Variants in TACC2 observed in about 807,000 individuals in gnomAD.
TACC2 encodes transforming acidic coiled-coil containing protein 2, also known as transforming acidic coiled-coil-containing protein 2.
A neutral mutation model predicts 227.3 loss-of-function variants in TACC2; 137 were observed. The ratio of observed to expected loss-of-function variants is 0.60; its 90% CI spans 0.52 to 0.69. TACC2 has a LOEUF of 0.69. Among genes scored for constraint, TACC2 ranks in the 30% least tolerant of loss-of-function variants. TACC2 has a pLI of 0.00. For synonymous variants in TACC2, 1,523 were observed against 1,487.5 expected (o/e 1.02, Z -0.55); for missense variants, 3,470 against 3,694.4 (o/e 0.94, Z 1.57).
intron 7 of TACC2, among the ~76,000 whole-genome samples, chr10:122,157,311 C>G (rs577174442): frequency 6.6e-6 from 1 of 152,224 alleles, no homozygotes; most frequent in South Asian, 2.1e-4. Flanking sequence ...TCCCTGGGAA[C>G]TTTGTAGTTT....
chr10:122,177,951 G>A (rs561599848), intron 7 of TACC2, among the ~76,000 whole-genome samples: 48 of 152,230 alleles, frequency 3.2e-4, no homozygotes, highest in Non-Finnish European at 4.1e-4. Flanking sequence ...TGCCAAGATC[G>A]AAGATGGACA....
chr10:122,156,878 C>T (rs1277610525), intron 7 of TACC2, among the ~76,000 whole-genome samples: 1 of 152,152 alleles, frequency 6.6e-6, no homozygotes, highest in Non-Finnish European at 1.5e-5. Context: ...AGTCCCAGCA[C>T]TTTGGGAGGA....
intron 5 of TACC2, among the ~76,000 whole-genome samples, chr10:122,125,889 G>A (rs1445284473): frequency 6.7e-6 from 1 of 148,332 alleles, no homozygotes; most frequent in Non-Finnish European, 1.5e-5. Context: ...CGATTCTCCT[G>A]CCTCAGCCTC....
chr10:122,098,698 T>G (rs2081770977), intron 5 of TACC2, among the ~76,000 whole-genome samples: 1 of 152,230 alleles, frequency 6.6e-6, no homozygotes, highest in Non-Finnish European at 1.5e-5. Context: ...CTATCATTAA[T>G]ATTACCATCA....
intron 5 of TACC2, among the ~76,000 whole-genome samples, chr10:122,090,594 G>C (rs910987265): frequency 6.9e-6 from 1 of 145,592 alleles, no homozygotes; most frequent in African/African-American, 2.5e-5. Context: ...AGTAGACAGA[G>C]AAAAATTCAC....
rs756094524 is a variant in TACC2 at position 122,209,345 on chromosome 10, G to A, written c.5972-1052G>A. On this transcript the variant is annotated intron_variant, in intron 8 of 22. Coordinates refer to ENST00000369005, the MANE Select transcript of TACC2 (RefSeq NM_206862.4). This position sits in a 1 kb window ranked among gnomAD's most constrained non-coding sequence, Gnocchi z 4.5. ...GTCAAGAACAGGCTTGCTGGTGGCC[G>A]TGGCTAGTATGAATATTTATGGAAG... 4.6e-5 allele frequency among the ~76,000 whole-genome samples: 7 copies of A among 152,192 alleles called. No individual in the cohort carries two copies. The highest frequency in any genetic ancestry group is 1.7e-4 in the African/African-American group (7 of 41,448).
intron 2 of TACC2, among the ~76,000 whole-genome samples, chr10:122,039,480 G>A (rs886144704): frequency 6.6e-6 from 1 of 152,084 alleles, no homozygotes; most frequent in Non-Finnish European, 1.5e-5. Context: ...GAATTGGAAG[G>A]TGGGGGTGGA....
intron 7 of TACC2, among the ~76,000 whole-genome samples, chr10:122,192,007 G>A (rs1565560850): frequency 3.3e-5 from 5 of 152,140 alleles, no homozygotes; most frequent in Non-Finnish European, 5.9e-5. Flanking sequence ...TCTTAGAAAT[G>A]TATTTGAGCC....
intron 3 of TACC2, among the ~76,000 whole-genome samples, chr10:122,076,562 T>C (rs2078833990): frequency 2.0e-5 from 3 of 152,212 alleles, no homozygotes; most frequent in Admixed American, 1.3e-4. Context: ...TAGTAATTTA[T>C]GAAAATAACA....
chr10:122,127,158 C>A, intron 5 of TACC2: 2 of 159,674 alleles, frequency 1.3e-5, no homozygotes, highest in South Asian at 3.5e-4. Flanking sequence ...CAATACATCT[C>A]TGTTGTTCAT....
intron 2 of TACC2, among the ~76,000 whole-genome samples, chr10:122,024,925 C>A (rs1035057847): frequency 2.0e-5 from 3 of 152,146 alleles, no homozygotes; most frequent in Non-Finnish European, 4.4e-5. Context: ...CTAAGATAAA[C>A]GCCCAAGTGT....
At chr10:122,088,973 G>A (rs2080399381) in intron 5 of TACC2, among the ~76,000 whole-genome samples, 1 of 152,098 alleles carries the variant, frequency 6.6e-6, no homozygotes, top group African/African-American at 2.4e-5. Flanking sequence ...AGATTAGCCG[G>A]GCACAGTGGC....
At chr10:122,218,486 C>T (rs2095457087) in intron 11 of TACC2, among the ~76,000 whole-genome samples, 1 of 152,128 alleles carries the variant, frequency 6.6e-6, no homozygotes, top group African/African-American at 2.4e-5. Context: ...TTGCTTTGTG[C>T]CCACGAGGTC....
Position 122,083,048 on chromosome 10 carries a change from G to A in TACC2, c.548G>A (p.Gly183Glu). 3 of 1,612,616 alleles carry A rather than the reference G, an allele frequency of 1.9e-6. No individual in the cohort carries two copies. The highest frequency in any genetic ancestry group is 2.5e-6 in the Non-Finnish European group (3 of 1,180,008). ...AGRERQPKEEGQKSSFSFSSG... is the reference protein window; with the variant it reads ...AGRERQPKEEEQKSSFSFSSG... ...AGAGAGAGACAGCCGAAGGAAGAAG[G>A]ACAGAAGTCCTCCTTCTCCTTCTCC... The change falls in exon 4 of 23, where the codon GGA becomes GAA. Residue 183 changes from glycine to glutamate, a missense_variant. By Grantham distance (98) the Gly-to-Glu change is moderately conservative. This residue lies in a region of TACC2 where 405 missense variants were observed against 389.6 expected (regional missense o/e 1.04). Transcript: ENST00000369005.
In TACC2 at chr10:122,084,280, C is replaced by G. The variant is rs149295961; in HGVS notation, c.1780C>G (p.Leu594Val). 10 of 1,614,012 alleles carry G rather than the reference C, an allele frequency of 6.2e-6. No individual in the cohort carries two copies. The East Asian group carries it at 2.0e-4, about 32-fold the overall frequency. ...ACCTGATGGTGGAGACCCAGGGAAC[C>G]TGCAAGGAGAGGACTCTCAGGCTTT... ...EPPDGGDPGN[L>V]QGEDSQAFSS... The change falls in exon 4 of 23, where the codon CTG becomes GTG. Residue 594 changes from leucine to valine, a missense_variant. Physicochemically the swap from Leu to Val is conservative, Grantham distance 32. This residue lies in a region of TACC2 where 1,924 missense variants were observed against 1,978.3 expected (regional missense o/e 0.97). Transcript: ENST00000369005.
rs542779017 is a variant in TACC2, at chr10:122,141,693, G to A, written c.5700-1879G>A. On this transcript the variant is annotated intron_variant, in intron 6 of 22. Transcript: ENST00000369005. This position sits in a 1 kb window ranked among gnomAD's most constrained non-coding sequence, Gnocchi z 4.3. ...CTAAGGTAGCATCTCCCCCCCACCC[G>A]CCACTGTTTTCTAAGACAGAGATCC... 2.0e-5 allele frequency among the ~76,000 whole-genome samples: 3 copies of A among 151,942 alleles called. No individual in the cohort carries two copies. The highest frequency in any genetic ancestry group is 1.3e-4 in the Admixed American group (2 of 15,276).
chr10:122,016,289 C>T (rs989300839), intron 1 of TACC2, among the ~76,000 whole-genome samples: 2 of 144,198 alleles, frequency 1.4e-5, no homozygotes, highest in African/African-American at 2.6e-5. Context: ...AAAAAAAAAG[C>T]CAGGCGCGGT....
At chr10:122,018,730 A>G (rs1448549680) in intron 1 of TACC2, among the ~76,000 whole-genome samples, 1 of 151,978 alleles carries the variant, frequency 6.6e-6, no homozygotes, top group Non-Finnish European at 1.5e-5. Context: ...ATTCCTTTTC[A>G]TGTCTGAAGA....
intron 1 of TACC2, among the ~76,000 whole-genome samples, chr10:122,001,562 A>T (rs897945303): frequency 3.9e-5 from 6 of 152,238 alleles, no homozygotes; most frequent in African/African-American, 1.4e-4. Context: ...TCTCTAAAAA[A>T]TTAGGACTCT....
Sources: allele counts gnomAD v4.1 joint callset (sites outside exome capture counted in the v4.1 genomes callset), GRCh38; gene constraint gnomAD v4.1.1; regional missense constraint gnomAD v4.1.1; non-coding constraint Gnocchi (gnomAD v3.1); transcripts MANE v1.5; gene names NCBI Gene and HGNC (gene_info 2026-07-23, HGNC 2026-07-21).